CDH13: variants seen among roughly 807,000 people sequenced by gnomAD.
The protein encoded by CDH13 is cadherin-13.
Under a neutral mutation model 63.8 loss-of-function variants are expected in CDH13, and 24 were observed. That is an observed-to-expected ratio of 0.38 (90% CI 0.27 to 0.53). The LOEUF is 0.53. Among genes scored for constraint, CDH13 ranks in the 20% least tolerant of loss-of-function variants. The probability of loss-of-function intolerance (pLI) is 0.85; values close to 1 mark genes in which losing one functional copy is unlikely to be tolerated. For missense variants in CDH13, 1,049 were observed against 903.1 expected, an observed-to-expected ratio of 1.16 and a Z score of -2.07; for synonymous variants, 503 against 355.3, an observed-to-expected ratio of 1.42 and a Z score of -4.67.
chr16:82,928,660 C>G (rs1435360280), intron 2 of CDH13, among the ~76,000 whole-genome samples: 1 of 152,134 alleles, frequency 6.6e-6, no homozygotes, highest in Non-Finnish European at 1.5e-5. Context: ...GTTGTGTAGG[C>G]TCTGTAAAAA....
At chr16:83,304,478 A>G (rs1167412018) in intron 5 of CDH13, among the ~76,000 whole-genome samples, 1 of 152,186 alleles carries the variant, frequency 6.6e-6, no homozygotes, top group Non-Finnish European at 1.5e-5. Context: ...AGAAGTCTAC[A>G]TAAAAATAGA....
At chr16:82,865,991 C>T (rs2040122760) in intron 2 of CDH13, among the ~76,000 whole-genome samples, 1 of 152,040 alleles carries the variant, frequency 6.6e-6, no homozygotes, top group South Asian at 2.1e-4. Context: ...TGCCAGATAC[C>T]CTAAATCACC....
chr16:83,035,351 T>A (rs1157991811), intron 3 of CDH13, among the ~76,000 whole-genome samples: 4 of 151,982 alleles, frequency 2.6e-5, no homozygotes, highest in Non-Finnish European at 5.9e-5. Flanking sequence ...ATCTCTGCAT[T>A]TGGAGAGGGG....
At chr16:82,986,531 A>G (rs1324509952) in intron 2 of CDH13, among the ~76,000 whole-genome samples, 1 of 152,178 alleles carries the variant, frequency 6.6e-6, no homozygotes, top group Non-Finnish European at 1.5e-5. Flanking sequence ...TGGTGTACAC[A>G]CCCGAGTGTT....
intron 6 of CDH13, among the ~76,000 whole-genome samples, chr16:83,415,097 C>A (rs1432708409): frequency 6.6e-6 from 1 of 150,658 alleles, no homozygotes; most frequent in African/African-American, 2.4e-5. Context: ...CCACTTATAC[C>A]ACAGAAATAA....
At chr16:83,474,991 G>C (rs924608032) in intron 6 of CDH13, among the ~76,000 whole-genome samples, 1 of 152,260 alleles carries the variant, frequency 6.6e-6, no homozygotes, top group Non-Finnish European at 1.5e-5. Flanking sequence ...CTGAGGCCGA[G>C]ACACTGAGTG....
intron 3 of CDH13, among the ~76,000 whole-genome samples, chr16:83,092,075 A>G (rs2033939856): frequency 6.6e-6 from 1 of 152,264 alleles, no homozygotes; most frequent in Non-Finnish European, 1.5e-5. Flanking sequence ...CTACCAAGTT[A>G]AAGAACCATG....
Position 82,681,358 on chromosome 16 carries a change from G to C in CDH13, c.45+54221G>C, listed in dbSNP as rs1914525277. ...CAGGGGCGTGGAGGAGGAGGGAATG[G>C]GAAGTGGCTGCTACTGGGTACAGGA... On this transcript the variant is annotated intron_variant, in intron 1 of 13. Coordinates refer to ENST00000567109, the MANE Select transcript of CDH13 (RefSeq NM_001257.5). Among the ~76,000 whole-genome samples, 3 of 152,310 alleles carry C rather than the reference G, an allele frequency of 2.0e-5. No individual in the cohort carries two copies. In the South Asian group the frequency reaches 6.2e-4, roughly 32 times the overall value.
At chr16:83,139,248 C>T (rs375797426) in intron 4 of CDH13, among the ~76,000 whole-genome samples, 36 of 152,186 alleles carry the variant, frequency 2.4e-4, no homozygotes, top group Non-Finnish European at 3.8e-4. Context: ...TGAGGGAACA[C>T]CAGCGTGTCA....
chr16:82,928,813 G>A (rs140054645), intron 2 of CDH13, among the ~76,000 whole-genome samples: 3 of 152,344 alleles, frequency 2.0e-5, no homozygotes, highest in Admixed American at 1.3e-4. Context: ...AAAGGTTGGA[G>A]ATTGGGGTGA....
intron 3 of CDH13, among the ~76,000 whole-genome samples, chr16:83,070,859 C>T (rs955101369): frequency 3.6e-5 from 5 of 138,586 alleles, no homozygotes; most frequent in Non-Finnish European, 6.3e-5. Context: ...TAAACAGCCC[C>T]CCCCCCCCCA....
chr16:83,126,395 G>A lies in CDH13; in HGVS notation c.483+894G>A, dbSNP rs939886133. 3.8e-4 allele frequency among the ~76,000 whole-genome samples: 58 copies of A among 152,270 alleles called. 1 individual carries two copies. The highest frequency in any genetic ancestry group is 1.3e-3 in the African/African-American group (55 of 41,532). ...TTTAAAATTGAATATGGCTAATTAG[G>A]CAGGAAGGGAGAGGCTGTCTGTTAT... is the stretch of plus-strand genomic sequence containing the variant. On this transcript the variant is annotated intron_variant, in intron 4 of 13. Transcript: ENST00000567109.
intron 5 of CDH13, among the ~76,000 whole-genome samples, chr16:83,282,915 T>C: frequency 6.6e-6 from 1 of 152,222 alleles, no homozygotes; most frequent in East Asian, 1.9e-4. Flanking sequence ...TCATGGTATT[T>C]GATATTTAAT....
intron 8 of CDH13, among the ~76,000 whole-genome samples, chr16:83,643,295 A>AGAAAG (rs1212584803): frequency 1.3e-5 from 1 of 78,732 alleles, no homozygotes; most frequent in African/African-American, 5.0e-5. Flanking sequence ...AAAAAAAAAA[A>AGAAAG]AAAAAAGAAA....
intron 6 of CDH13, among the ~76,000 whole-genome samples, chr16:83,457,209 C>A (rs1374209724): frequency 2.0e-5 from 3 of 152,154 alleles, no homozygotes; most frequent in African/African-American, 4.8e-5. Context: ...AGCACTGACA[C>A]CTTACGGTTG....
chr16:82,970,908 C>G (rs950228577), intron 2 of CDH13, among the ~76,000 whole-genome samples: 2 of 152,192 alleles, frequency 1.3e-5, no homozygotes, highest in African/African-American at 4.8e-5. Context: ...TGCTTCAGTA[C>G]TTACTCAGAG....
At chr16:82,650,135 T>C (rs1005883729) in intron 1 of CDH13, among the ~76,000 whole-genome samples, 17 of 152,214 alleles carry the variant, frequency 1.1e-4, no homozygotes, top group Non-Finnish European at 2.5e-4. Context: ...CTCTCCTGTC[T>C]TCCAGGGAGA....
At chr16:83,628,187 G>C (rs1270401360) in intron 8 of CDH13, among the ~76,000 whole-genome samples, 2 of 152,182 alleles carry the variant, frequency 1.3e-5, no homozygotes, top group Non-Finnish European at 2.9e-5. Flanking sequence ...ACGCAGCCCA[G>C]TAAGTCTCAG....
rs771613971 is a variant in CDH13, at chr16:83,344,985, G to A, written c.760G>A (p.Val254Ile). The change falls in exon 6 of 14, where the codon GTC becomes ATC. Residue 254 changes from valine (V) to isoleucine (I), a missense_variant. Transcript: ENST00000567109. ...IFREGPYIGH[V>I]MEGSPTGTTV... ...TCGGGAAGGCCCCTACATCGGCCAC[G>A]TCATGGAAGGGTCACCCACAGGTAT... The A allele has an allele frequency of 1.9e-5, 31 of 1,613,818 alleles. No individual in the cohort carries two copies. Among genetic ancestry groups the A allele is most frequent in the South Asian group, 1.5e-4 (14 of 91,078 alleles).
Sources: gnomAD v4.1 joint callset for allele counts (sites outside exome capture counted in the v4.1 genomes callset) on GRCh38, gnomAD v4.1.1 for gene constraint, MANE v1.5 for transcripts, NCBI Gene and HGNC (gene_info 2026-07-23, HGNC 2026-07-21) for gene names.